Variants in ITPR2 observed in about 807,000 individuals in gnomAD.
ITPR2 encodes the protein inositol 1,4,5-trisphosphate-gated calcium channel ITPR2.
A neutral mutation model predicts 317.1 loss-of-function variants in ITPR2; 207 were observed. That is an observed-to-expected ratio of 0.65 (90% confidence interval 0.58 to 0.73). The LOEUF (loss-of-function observed/expected upper bound fraction) is 0.73, where lower values mean the gene tolerates loss of function less well. ITPR2 is among the 30% of genes least tolerant of loss of function. ITPR2 has a pLI of 0.00. For synonymous variants in ITPR2, 1,156 were observed against 1,149.1 expected (o/e 1.01, Z -0.12); for missense variants, 2,613 against 3,284.0 (o/e 0.80, Z 4.99).
At chr12:26,789,761 ACAT>A (rs1950312473) in intron 2 of ITPR2, among the ~76,000 whole-genome samples, 1 of 152,382 alleles carries the variant, frequency 6.6e-6, no homozygotes, top group Middle Eastern at 3.4e-3. Flanking sequence ...GTAAGCTAAC[ACAT>A]CATTGCCACA....
Position 26,658,135 on chromosome 12 carries a change from C to CAAAA in ITPR2, c.1887-9_1887-6dup. On this transcript the variant is annotated splice_region_variant and splice_polypyrimidine_tract_variant and intron_variant, in intron 16 of 56. Coordinates refer to ENST00000381340, the MANE Select transcript of ITPR2 (RefSeq NM_002223.4). ...TCTGACAAATAATCCAAAAACCTGG[C>CAAAA]AAAAGAAAAAAATTAAATGGAATAT... 6.5e-7 allele frequency: 1 copy of CAAAA among 1,528,332 alleles called. No homozygotes were observed. The highest frequency in any genetic ancestry group is 8.8e-7 in the Non-Finnish European group (1 of 1,138,608). The allele number at this position is 1,528,332 out of a possible 1,614,324, so 94.7% of individuals were successfully genotyped here. A position where few individuals can be genotyped will look rare whatever the true frequency, so the allele number is the denominator to read the frequency against.
At chr12:26,457,794 T>A (rs1384383688) in intron 45 of ITPR2, among the ~76,000 whole-genome samples, 2 of 152,192 alleles carry the variant, frequency 1.3e-5, no homozygotes, top group Admixed American at 1.3e-4. Context: ...CACAGGCAAA[T>A]CACTTAGCTT....
At chr12:26,715,151 G>A in intron 8 of ITPR2, 148 bp downstream of exon 8, 1 of 649,100 alleles carries the variant, frequency 1.5e-6, no homozygotes, top group South Asian at 2.5e-5. Flanking sequence ...ATTGGTCACA[G>A]CAATGAATAG....
chr12:26,763,969 G>A (rs925231927), intron 2 of ITPR2, among the ~76,000 whole-genome samples: 5 of 152,060 alleles, frequency 3.3e-5, no homozygotes, highest in African/African-American at 1.2e-4. Context: ...TAAAGCTACA[G>A]TAATCAAGAC....
At chr12:26,369,281 T>C (rs977829258) in intron 55 of ITPR2, among the ~76,000 whole-genome samples, 3 of 152,116 alleles carry the variant, frequency 2.0e-5, no homozygotes, top group African/African-American at 7.2e-5. Flanking sequence ...CTGATTTATG[T>C]TTTAGATTTT....
chr12:26,632,172 T>C (rs950121795), intron 21 of ITPR2, 113 bp from the exon 22 acceptor site: 11 of 657,854 alleles, frequency 1.7e-5, no homozygotes, highest in Non-Finnish European at 2.6e-5. Flanking sequence ...GGATTCAGGA[T>C]AAGACAGAAT....
intron 52 of ITPR2, among the ~76,000 whole-genome samples, chr12:26,403,647 G>T (rs1006839334): frequency 6.6e-5 from 10 of 152,282 alleles, no homozygotes; most frequent in African/African-American, 2.4e-4. Flanking sequence ...CAACAATGCA[G>T]AAGTAGCAGT....
intron 11 of ITPR2, among the ~76,000 whole-genome samples, chr12:26,684,119 A>G (rs1948084469): frequency 6.6e-6 from 1 of 152,270 alleles, no homozygotes; most frequent in South Asian, 2.1e-4. Flanking sequence ...TCAAATAACT[A>G]GAAATTCTGA....
At chr12:26,468,828 G>T (rs1942235430) in intron 45 of ITPR2, among the ~76,000 whole-genome samples, 1 of 152,132 alleles carries the variant, frequency 6.6e-6, no homozygotes, top group African/African-American at 2.4e-5. Flanking sequence ...AGTTATCAAA[G>T]ATGTTTACAC....
At position 26,414,050 on chromosome 12, in the gene ITPR2, T is replaced by TACACACACACACACACACACACACAC. The variant is rs777855580; in HGVS notation, c.7306+1227_7306+1252dup. Among the ~76,000 whole-genome samples, 31 of 138,206 alleles carry TACACACACACACACACACACACACAC rather than the reference T, an allele frequency of 2.2e-4. 1 individual carries two copies. Among genetic ancestry groups the TACACACACACACACACACACACACAC allele is most frequent in the African/African-American group, 8.1e-4 (29 of 35,754 alleles). 90.7% of individuals were successfully genotyped at this position (138,206 alleles called of 152,430 possible). On this transcript the variant is annotated intron_variant, in intron 51 of 56. Transcript: ENST00000381340. ...AGCAGATAGTCTACATGTATATATG[T>TACACACACACACACACACACACACAC]ACACACACACACACACACACACACA...
intron 55 of ITPR2, among the ~76,000 whole-genome samples, chr12:26,381,983 A>C (rs1274750171): frequency 2.6e-5 from 4 of 152,178 alleles, no homozygotes; most frequent in African/African-American, 9.7e-5. Context: ...AACATCTAAA[A>C]GTCTTGGGTA....
At chr12:26,679,348 T>TAG (rs1305433216) in intron 13 of ITPR2, among the ~76,000 whole-genome samples, 1 of 152,232 alleles carries the variant, frequency 6.6e-6, no homozygotes, top group Admixed American at 6.5e-5. Context: ...GAAGCAAACT[T>TAG]GGATTTTTTG....
At chr12:26,653,916 GTTT>G (rs1358079394) in intron 21 of ITPR2, 57 bp downstream of exon 21, 1 of 1,451,166 alleles carries the variant, frequency 6.9e-7, no homozygotes, top group South Asian at 1.2e-5. Flanking sequence ...CTGTAGTTTT[GTTT>G]TTTATCTTAC....
chr12:26,467,749 C>T (rs1268319175), intron 45 of ITPR2, among the ~76,000 whole-genome samples: 1 of 152,076 alleles, frequency 6.6e-6, no homozygotes, highest in East Asian at 1.9e-4. Flanking sequence ...TTAGTGAGTC[C>T]CATTTCAATC....
At chr12:26,710,960 T>C (rs1456599157) in intron 9 of ITPR2, among the ~76,000 whole-genome samples, 3 of 152,238 alleles carry the variant, frequency 2.0e-5, no homozygotes, top group Non-Finnish European at 1.5e-5. Context: ...TGCAGAGTTT[T>C]TGTTGTTATT....
At chr12:26,385,497 C>T (rs1032399930) in intron 55 of ITPR2, among the ~76,000 whole-genome samples, 1 of 152,330 alleles carries the variant, frequency 6.6e-6, no homozygotes, top group African/African-American at 2.4e-5. Flanking sequence ...AGCCTGCACA[C>T]TGCTGCCTGC....
intron 37 of ITPR2, among the ~76,000 whole-genome samples, chr12:26,525,463 C>G (rs56902128): frequency 0.013 from 2,007 of 152,230 alleles, 45 homozygotes; most frequent in African/African-American, 0.046. Flanking sequence ...AATATCACAG[C>G]AGGATTAATC....
Position 26,725,747 on chromosome 12 carries a change from C to T in ITPR2, c.182G>A (p.Cys61Tyr), listed in dbSNP as rs571177431. The change falls in exon 3 of 57, where the codon TGC (cysteine) becomes TAC (tyrosine). Residue 61 changes from cysteine to tyrosine, a missense_variant. By Grantham distance (194) the Cys-to-Tyr change is radical (BLOSUM62 -2). Around this residue, in one of 9 missense-constraint regions of ITPR2, gnomAD observed 515 missense variants for 789.4 expected, o/e 0.65. Transcript: ENST00000381340. ...CTGGGCAGAATATCTGTTCATAGGGCACACCTTGAAAAGGCAGTCTGTGAC... is the reference window on the plus strand; with the variant it reads ...CTGGGCAGAATATCTGTTCATAGGGTACACCTTGAAAAGGCAGTCTGTGAC... The part of the protein sequence containing the change: ...KKFRDCLFKV[C>Y]PMNRYSAQKQ... 4.3e-6 allele frequency: 7 copies of T among 1,612,732 alleles called. No homozygotes were observed. Among genetic ancestry groups the T allele is most frequent in the African/African-American group, 4.0e-5 (3 of 74,952 alleles).
At chr12:26,544,312 T>C (rs1944335959) in intron 37 of ITPR2, among the ~76,000 whole-genome samples, 1 of 152,174 alleles carries the variant, frequency 6.6e-6, no homozygotes, top group Admixed American at 6.5e-5. Context: ...ATAATTAATT[T>C]AGAAATTGTA....
Sources: allele counts gnomAD v4.1 joint callset (sites outside exome capture counted in the v4.1 genomes callset), GRCh38; gene constraint gnomAD v4.1.1; regional missense constraint gnomAD v4.1.1; transcripts MANE v1.5; gene names NCBI Gene and HGNC (gene_info 2026-07-23, HGNC 2026-07-21).